The following ARHGAP39 variants were observed in gnomAD, a reference collection of about 807,000 sequenced individuals.
ARHGAP39 encodes rho GTPase-activating protein 39.
In ARHGAP39, 44 loss-of-function variants were observed where a neutral mutation model predicts 106.9. The observed-to-expected ratio is 0.41, with a 90% confidence interval of 0.32 to 0.53. The LOEUF (loss-of-function observed/expected upper bound fraction) is 0.53, where lower values mean the gene tolerates loss of function less well. Ranked by LOEUF, ARHGAP39 falls within the 20% of genes least tolerant of loss-of-function variation. The probability of loss-of-function intolerance (pLI) is 0.21; values close to 1 mark genes in which losing one functional copy is unlikely to be tolerated. For synonymous variants in ARHGAP39, 768 were observed against 693.2 expected (o/e 1.11, Z -1.69); for missense variants, 1,496 against 1,577.3 (o/e 0.95, Z 0.87).
chr8:144,615,880 C>G (rs1182115814), intron 1 of ARHGAP39, among the ~76,000 whole-genome samples: 1 of 152,222 alleles, frequency 6.6e-6, no homozygotes, highest in Non-Finnish European at 1.5e-5. Flanking sequence ...GCCGCCCCTT[C>G]AGCAGCTGTG....
At chr8:144,686,088 G>A (rs1225546809), upstream of ARHGAP39, among the ~76,000 whole-genome samples, 3 of 151,990 alleles carry the variant, frequency 2.0e-5, no homozygotes, top group Non-Finnish European at 4.4e-5. Flanking sequence ...TGAGTTAGCG[G>A]TGTCTTCCCG....
At chr8:144,610,724 T>A (rs895050138) in intron 1 of ARHGAP39, among the ~76,000 whole-genome samples, 61 of 143,206 alleles carry the variant, frequency 4.3e-4, no homozygotes, top group African/African-American at 1.2e-3. Context: ...AAAAAAAAAA[T>A]TTTTTTTTAG....
At chr8:144,620,948 G>A (rs927648573) in intron 1 of ARHGAP39, among the ~76,000 whole-genome samples, 5 of 152,270 alleles carry the variant, frequency 3.3e-5, no homozygotes, top group Admixed American at 6.5e-5. Flanking sequence ...ACTGGAAAAC[G>A]CCAGGCACAG....
chr8:144,675,413 C>A (rs1822207934), intron 1 of ARHGAP39, among the ~76,000 whole-genome samples: 2 of 152,180 alleles, frequency 1.3e-5, no homozygotes, highest in Admixed American at 1.3e-4. Flanking sequence ...AGTGTTACAG[C>A]TCTTAAAGAT....
At chr8:144,623,635 G>A (rs1820862177) in intron 1 of ARHGAP39, among the ~76,000 whole-genome samples, 1 of 152,222 alleles carries the variant, frequency 6.6e-6, no homozygotes, top group African/African-American at 2.4e-5. Flanking sequence ...AGAGGAGATG[G>A]TACAAGAAGC....
intron 1 of ARHGAP39, among the ~76,000 whole-genome samples, chr8:144,618,231 C>T (rs1222807479): frequency 2.0e-5 from 3 of 152,384 alleles, no homozygotes; most frequent in East Asian, 1.9e-4. Context: ...CCCTTGTCCC[C>T]GCCCTCTCCC....
intron 1 of ARHGAP39, among the ~76,000 whole-genome samples, chr8:144,621,898 G>A (rs1240699231): frequency 6.6e-6 from 1 of 152,246 alleles, no homozygotes; most frequent in Non-Finnish European, 1.5e-5. Context: ...ACAAGATGTG[G>A]TCGGCTCAGT....
At chr8:144,543,229 G>C (rs909940615) in intron 6 of ARHGAP39, among the ~76,000 whole-genome samples, 1 of 152,136 alleles carries the variant, frequency 6.6e-6, no homozygotes, top group African/African-American at 2.4e-5. Context: ...TCTTGCCTTG[G>C]CCCAGAGTGC....
intron 1 of ARHGAP39, among the ~76,000 whole-genome samples, chr8:144,629,301 G>A (rs1821003518): frequency 6.6e-6 from 1 of 152,220 alleles, no homozygotes; most frequent in African/African-American, 2.4e-5. Flanking sequence ...CACCTCAAGA[G>A]CAGACCCGCA....
chr8:144,539,182 G>A (rs747111896), intron 6 of ARHGAP39, among the ~76,000 whole-genome samples: 4 of 152,168 alleles, frequency 2.6e-5, no homozygotes, highest in Middle Eastern at 3.2e-3. Flanking sequence ...GGTCCTCTCA[G>A]CTGACAGAAT....
chr8:144,668,983 C>T, intron 1 of ARHGAP39, among the ~76,000 whole-genome samples: 1 of 152,012 alleles, frequency 6.6e-6, no homozygotes. Context: ...AGGACAACAG[C>T]ACAGAGTTGA....
intron 1 of ARHGAP39, among the ~76,000 whole-genome samples, chr8:144,622,092 GAC>G (rs943862851): frequency 3.9e-5 from 6 of 152,214 alleles, no homozygotes; most frequent in Admixed American, 3.9e-4. Context: ...GAAAGGGACA[GAC>G]ACAGAAAACA....
chr8:144,595,310 G>T (rs937018256), intron 2 of ARHGAP39, among the ~76,000 whole-genome samples: 1 of 152,206 alleles, frequency 6.6e-6, no homozygotes, highest in Non-Finnish European at 1.5e-5. Flanking sequence ...TGGACCTGGG[G>T]CATGTCGACG....
At chr8:144,610,297 G>A (rs1372406856) in intron 1 of ARHGAP39, among the ~76,000 whole-genome samples, 1 of 151,728 alleles carries the variant, frequency 6.6e-6, no homozygotes, top group Non-Finnish European at 1.5e-5. Context: ...CTATTTTTCT[G>A]TTTTCATTAA....
At chr8:144,668,164 A>G (rs1173636718) in intron 1 of ARHGAP39, among the ~76,000 whole-genome samples, 2 of 152,160 alleles carry the variant, frequency 1.3e-5, no homozygotes, top group African/African-American at 2.4e-5. Flanking sequence ...TTTTAAGGCC[A>G]GGTGCAGTGG....
In ARHGAP39 at chr8:144,647,118, G is replaced by A. The variant is rs1439353312; in HGVS notation, c.-82+38568C>T. Among the ~76,000 whole-genome samples the A allele has an allele frequency of 2.6e-5, 4 of 151,922 alleles. No individual in the cohort carries two copies. The highest frequency in any genetic ancestry group is 4.4e-5 in the Non-Finnish European group (3 of 67,978). On this transcript the variant is annotated intron_variant, in intron 1 of 11. Transcript: ENST00000377307. This position sits in a 1 kb window ranked among gnomAD's most constrained non-coding sequence, Gnocchi z 4.8. ...CGAGTAGCTGGGACTACAGCCACCC[G>A]CCACCATGCCCGGCTAATTTTTGTA...
intron 1 of ARHGAP39, among the ~76,000 whole-genome samples, chr8:144,643,278 A>G (rs1402282813): frequency 6.6e-6 from 1 of 151,870 alleles, no homozygotes; most frequent in African/African-American, 2.4e-5. Context: ...CCTGGGCAAC[A>G]TGGCAAAACC....
At chr8:144,534,634 C>A (rs528738090) in intron 7 of ARHGAP39, among the ~76,000 whole-genome samples, 69 of 152,368 alleles carry the variant, frequency 4.5e-4, no homozygotes, top group African/African-American at 1.5e-3. Context: ...TTTCCACCTA[C>A]CCAGCACCCG....
chr8:144,547,587 G>A lies in ARHGAP39; in HGVS notation c.1499C>T (p.Ser500Phe), dbSNP rs1422853125. Residue 500 changes from serine (S) to phenylalanine (F), a missense_variant, in exon 5 of 12, where the codon TCT (serine) becomes TTT (phenylalanine). Around this residue, in one of 4 missense-constraint regions of ARHGAP39, gnomAD observed 905 missense variants for 816.4 expected, o/e 1.11. Transcript: ENST00000377307. This position sits in a 1 kb window ranked among gnomAD's most constrained non-coding sequence, Gnocchi z 5.2. Reference sequence around the variant, plus strand: ...GGTGGCGCTGGTGGCTTGGCACAAAGAGGGCTTTCTGCTCTTCCGCTTGCG... The same window carrying A: ...GGTGGCGCTGGTGGCTTGGCACAAAAAGGGCTTTCTGCTCTTCCGCTTGCG... ...GTRKRKSRKP[S>F]LCQATSATPT... 6.8e-7 allele frequency: 1 copy of A among 1,476,384 alleles called. No homozygotes were observed. The highest frequency in any genetic ancestry group is 2.3e-5 in the Admixed American group (1 of 42,602). The allele number at this position is 1,476,384 out of a possible 1,614,324, so 91.5% of individuals were successfully genotyped here. A position where few individuals can be genotyped will look rare whatever the true frequency, so the allele number is the denominator to read the frequency against.
Sources: gnomAD v4.1 joint callset for allele counts (sites outside exome capture counted in the v4.1 genomes callset) on GRCh38, gnomAD v4.1.1 for gene constraint, gnomAD v4.1.1 regional missense constraint, Gnocchi (gnomAD v3.1) non-coding constraint, MANE v1.5 for transcripts, NCBI Gene and HGNC (gene_info 2026-07-23, HGNC 2026-07-21) for gene names.